Variants in DPYD observed in about 807,000 individuals in gnomAD.
DPYD encodes dihydropyrimidine dehydrogenase [NADP(+)].
A neutral mutation model predicts 116.2 loss-of-function variants in DPYD; 109 were observed. That is an observed-to-expected ratio of 0.94 (90% CI 0.80 to 1.10). DPYD has a LOEUF of 1.10. DPYD is among the 50% of genes least tolerant of loss of function. The pLI is 0.00. For synonymous variants in DPYD, 440 were observed against 432.0 expected (o/e 1.02, Z -0.23); for missense variants, 1,302 against 1,254.5 (o/e 1.04, Z -0.57).
chr1:97,118,056 A>G (rs970724630), intron 20 of DPYD, among the ~76,000 whole-genome samples: 1 of 152,148 alleles, frequency 6.6e-6, no homozygotes, highest in Non-Finnish European at 1.5e-5. Context: ...TTTCATTCTT[A>G]TAGAATACAT....
At chr1:97,788,978 A>G (rs1667181556) in intron 3 of DPYD, among the ~76,000 whole-genome samples, 1 of 151,902 alleles carries the variant, frequency 6.6e-6, no homozygotes, top group Admixed American at 6.6e-5. Flanking sequence ...TAATTTTTGT[A>G]TTTTTTGTAG....
At chr1:97,591,061 T>C (rs994173613) in intron 10 of DPYD, among the ~76,000 whole-genome samples, 2 of 150,428 alleles carry the variant, frequency 1.3e-5, no homozygotes, top group African/African-American at 4.9e-5. Flanking sequence ...ATTCCACAAA[T>C]CCAGAAGACT....
At chr1:97,456,696 G>A (rs1676709122) in intron 13 of DPYD, among the ~76,000 whole-genome samples, 1 of 152,046 alleles carries the variant, frequency 6.6e-6, no homozygotes, top group African/African-American at 2.4e-5. Flanking sequence ...TGAGAGCTGG[G>A]CAACTAGTAT....
chr1:97,285,391 G>A (rs1404778537), intron 18 of DPYD, among the ~76,000 whole-genome samples: 2 of 152,106 alleles, frequency 1.3e-5, no homozygotes, highest in African/African-American at 4.8e-5. Flanking sequence ...AGTGCCAAGT[G>A]CTTCATTTCT....
chr1:97,357,525 G>A (rs543922996), intron 16 of DPYD, among the ~76,000 whole-genome samples: 2 of 152,156 alleles, frequency 1.3e-5, no homozygotes, highest in South Asian at 4.1e-4. Flanking sequence ...GGTCTGGTAA[G>A]GACTTCCAGT....
chr1:97,287,051 G>C (rs1191986950), intron 18 of DPYD, among the ~76,000 whole-genome samples: 1 of 152,120 alleles, frequency 6.6e-6, no homozygotes, highest in African/African-American at 2.4e-5. Context: ...CCCCATCTTT[G>C]TGGTTTTATC....
intron 18 of DPYD, among the ~76,000 whole-genome samples, chr1:97,302,359 T>C (rs546199357): frequency 3.9e-5 from 6 of 152,138 alleles, no homozygotes; most frequent in South Asian, 2.1e-4. Context: ...ATCTGGTATA[T>C]AATTCAACTT....
chr1:97,648,119 T>C (rs1290185970), intron 8 of DPYD, among the ~76,000 whole-genome samples: 2 of 152,046 alleles, frequency 1.3e-5, no homozygotes, highest in African/African-American at 4.8e-5. Context: ...TATTAGGTGA[T>C]AGTTTGAGTC....
intron 3 of DPYD, among the ~76,000 whole-genome samples, chr1:97,768,951 A>T (rs1292745621): frequency 6.6e-6 from 1 of 151,924 alleles, no homozygotes; most frequent in Non-Finnish European, 1.5e-5. Flanking sequence ...TAATCAAAAA[A>T]TCTCCACAAA....
intron 21 of DPYD, among the ~76,000 whole-genome samples, chr1:97,089,806 G>T (rs947483470): frequency 1.3e-5 from 2 of 148,338 alleles, no homozygotes; most frequent in African/African-American, 5.0e-5. Flanking sequence ...AGGACGGAGG[G>T]CCTCTGAGGC....
chr1:97,406,703 T>G (rs1394420093), intron 14 of DPYD, among the ~76,000 whole-genome samples: 1 of 152,056 alleles, frequency 6.6e-6, no homozygotes, highest in East Asian at 1.9e-4. Context: ...TCCAAGTACC[T>G]TACATGTGTA....
chr1:97,882,959 C>CT (rs1271732238), intron 2 of DPYD, among the ~76,000 whole-genome samples: 1 of 151,982 alleles, frequency 6.6e-6, no homozygotes, highest in Admixed American at 6.6e-5. Flanking sequence ...TGGCACCAAA[C>CT]TAAATTTACA....
intron 13 of DPYD, among the ~76,000 whole-genome samples, chr1:97,456,190 T>C (rs1466810542): frequency 1.3e-5 from 2 of 151,872 alleles, no homozygotes; most frequent in African/African-American, 4.8e-5. Flanking sequence ...ATAATAATGT[T>C]GTTAGTGACC....
intron 13 of DPYD, among the ~76,000 whole-genome samples, chr1:97,491,951 G>A (rs1678999212): frequency 6.6e-6 from 1 of 152,020 alleles, no homozygotes; most frequent in Non-Finnish European, 1.5e-5. Context: ...GGCTTATTAT[G>A]GATACATCTC....
At chr1:97,252,448 G>GT (rs934427902) in intron 18 of DPYD, among the ~76,000 whole-genome samples, 2 of 152,086 alleles carry the variant, frequency 1.3e-5, no homozygotes, top group Non-Finnish European at 2.9e-5. Flanking sequence ...GCTCTTTCTT[G>GT]TTTTTTTCCA....
intron 14 of DPYD, among the ~76,000 whole-genome samples, chr1:97,428,520 T>C (rs1192383076): frequency 2.0e-5 from 3 of 152,036 alleles, no homozygotes; most frequent in African/African-American, 4.8e-5. Context: ...AGGAAAGCAG[T>C]AGGTTTTGTT....
At chr1:97,404,193 G>A (rs1288743590) in intron 14 of DPYD, among the ~76,000 whole-genome samples, 1 of 151,974 alleles carries the variant, frequency 6.6e-6, no homozygotes, top group African/African-American at 2.4e-5. Flanking sequence ...TTTAAGGTAT[G>A]TTTTATGGTC....
chr1:97,382,367 T>C, intron 15 of DPYD, 26 bp downstream of exon 15: 1 of 1,447,970 alleles, frequency 6.9e-7, no homozygotes, highest in Non-Finnish European at 9.4e-7. Context: ...AGAAATAAAA[T>C]AAATATATAC....
chr1:97,857,344 A>G (rs1016763617), intron 2 of DPYD, among the ~76,000 whole-genome samples: 2 of 152,166 alleles, frequency 1.3e-5, no homozygotes, highest in Non-Finnish European at 2.9e-5. Context: ...CTTTTTGTAT[A>G]TTAATGTTGA....
Sources: gnomAD v4.1 joint callset for allele counts (sites outside exome capture counted in the v4.1 genomes callset) on GRCh38, gnomAD v4.1.1 for gene constraint, MANE v1.5 for transcripts, NCBI Gene and HGNC (gene_info 2026-07-23, HGNC 2026-07-21) for gene names.